ICE2: variants seen among roughly 807,000 people sequenced by gnomAD.
ICE2 encodes the protein little elongation complex subunit 2.
In ICE2, 87 loss-of-function variants were observed where a neutral mutation model predicts 105.4. The observed-to-expected ratio is 0.83, with a 90% confidence interval of 0.69 to 0.99. The LOEUF (loss-of-function observed/expected upper bound fraction) is 0.99, where lower values mean the gene tolerates loss of function less well. ICE2 is among the 50% of genes least tolerant of loss of function. ICE2 has a pLI of 0.00. For missense variants in ICE2, 1,323 were observed against 1,146.7 expected (o/e 1.15, Z -2.22); for synonymous variants, 399 against 392.0 (o/e 1.02, Z -0.21).
rs371047923 is a variant in ICE2 at position 60,448,156 on chromosome 15, A to G, written c.2120-11T>C. 1.4e-5 allele frequency: 22 copies of G among 1,564,136 alleles called. No individual in the cohort carries two copies. In the African/African-American group the frequency reaches 2.7e-4, roughly 19 times the overall value. On this transcript the variant is annotated splice_polypyrimidine_tract_variant and intron_variant, in intron 10 of 15. Transcript: ENST00000261520. ...GTTCATATGGCAATCCTTTAAAAAT[A>G]GTATTTCTCATTTTTAAAATACATT...
intron 12 of ICE2, chr15:60,439,128 AC>A (rs2063661711): frequency 6.6e-6 from 1 of 152,178 alleles, no homozygotes; most frequent in Non-Finnish European, 1.5e-5. Flanking sequence ...ACAGGCTGAA[AC>A]CCTACAATTG....
At chr15:60,455,507 C>G (rs1181776911) in intron 6 of ICE2, 65 bp from the exon 7 acceptor site, 29 of 1,012,340 alleles carry the variant, frequency 2.9e-5, no homozygotes, top group Non-Finnish European at 3.4e-5. Flanking sequence ...AGAAAAGTAT[C>G]TTTCATCATA....
At position 60,423,462 on chromosome 15, in the gene ICE2, C is replaced by A; in HGVS notation, c.*172G>T. ...CAAACTTCAAGGGTGAAAAGCATAC[C>A]ATTCCATTTTAGTTGAAATATTCCT... is the stretch of plus-strand genomic sequence containing the variant. On this transcript the variant is annotated 3_prime_UTR_variant, in exon 16 of 16. Transcript: ENST00000261520. The A allele has an allele frequency of 2.0e-6, 1 of 492,076 alleles. No individual in the cohort carries two copies. The highest frequency in any genetic ancestry group is 3.5e-6 in the Non-Finnish European group (1 of 283,632). 30.5% of individuals were successfully genotyped at this position (492,076 alleles called of 1,614,324 possible). A position where few individuals can be genotyped will look rare whatever the true frequency, so the allele number is the denominator to read the frequency against.
intron 12 of ICE2, among the ~76,000 whole-genome samples, chr15:60,436,797 G>A (rs1249776151): frequency 2.0e-5 from 3 of 148,714 alleles, no homozygotes; most frequent in African/African-American, 7.4e-5. Flanking sequence ...TGATATTTAT[G>A]TATTATCATA....
intron 1 of ICE2, 126 bp downstream of exon 1, chr15:60,478,877 A>AGGAGCCGCGCAGG (rs2064849685): frequency 4.6e-6 from 2 of 439,316 alleles, no homozygotes; most frequent in Admixed American, 4.8e-5. Context: ...AGCCGCGCAG[A>AGGAGCCGCGCAGG]GCCAGGAGCA....
In ICE2 at chr15:60,428,594, T is replaced by G; in HGVS notation, c.2655A>C (p.Ala885=). ...CGCAATGTGTTTTATACAAATTGTA[T>G]GCTGTCCTAGTAACTTTTCCATCAG... is the stretch of plus-strand genomic sequence containing the variant. The part of the protein sequence containing the change: ...KASDGKVTRT[A]YNLYKTHCGL... Residue 885 remains alanine (A), a synonymous_variant, in exon 15 of 16, where the codon GCA becomes GCC. Coordinates refer to ENST00000261520, the MANE Select transcript of ICE2 (RefSeq NM_024611.6). 1 of 1,614,164 alleles carries G rather than the reference T, an allele frequency of 6.2e-7. No individual in the cohort carries two copies. The highest frequency in any genetic ancestry group is 8.5e-7 in the Non-Finnish European group (1 of 1,180,016).
At chr15:60,449,922 A>G in intron 9 of ICE2, 81 bp from the exon 10 acceptor site, 1 of 963,526 alleles carries the variant, frequency 1.0e-6, no homozygotes. Context: ...TCCCTGTCAT[A>G]CATACTTCCT....
chr15:60,426,631 G>C (rs1053545297), intron 15 of ICE2, among the ~76,000 whole-genome samples: 1 of 152,150 alleles, frequency 6.6e-6, no homozygotes, highest in Admixed American at 6.5e-5. Flanking sequence ...CACTATTTTA[G>C]TGTCAGTCTA....
intron 13 of ICE2, among the ~76,000 whole-genome samples, chr15:60,432,887 G>A (rs927434045): frequency 2.0e-5 from 3 of 151,884 alleles, no homozygotes; most frequent in African/African-American, 4.8e-5. Flanking sequence ...CCAAGAATCC[G>A]CCTCAAAAAA....
intron 5 of ICE2, among the ~76,000 whole-genome samples, chr15:60,461,911 G>A (rs1160091181): frequency 1.3e-5 from 2 of 152,168 alleles, no homozygotes; most frequent in Non-Finnish European, 2.9e-5. Context: ...TGACTGAAAA[G>A]CCAGTAGGAA....
At chr15:60,431,006 G>T (rs1165920432) in intron 14 of ICE2, among the ~76,000 whole-genome samples, 1 of 151,914 alleles carries the variant, frequency 6.6e-6, no homozygotes, top group African/African-American at 2.4e-5. Flanking sequence ...TGAGTAGGTG[G>T]GATTACAGGT....
intron 3 of ICE2, among the ~76,000 whole-genome samples, chr15:60,474,937 A>C (rs962951845): frequency 1.1e-4 from 17 of 152,326 alleles, no homozygotes; most frequent in African/African-American, 3.8e-4. Flanking sequence ...CCGGGGCAAC[A>C]CAGCAAGACC....
At chr15:60,455,563 C>G in intron 6 of ICE2, 121 bp from the exon 7 acceptor site, 1 of 654,364 alleles carries the variant, frequency 1.5e-6, no homozygotes, top group Non-Finnish European at 2.6e-6. Context: ...ATGTAAACAT[C>G]AGATTTAGAA....
At chr15:60,478,125 T>C (rs1363573580) in intron 1 of ICE2, 56 bp from the exon 2 acceptor site, 3 of 700,276 alleles carry the variant, frequency 4.3e-6, no homozygotes, top group Non-Finnish European at 7.6e-6. Flanking sequence ...GGCCAGGTGC[T>C]ATTAGGTGAG....
intron 14 of ICE2, among the ~76,000 whole-genome samples, chr15:60,430,767 A>G (rs1435607198): frequency 6.6e-6 from 1 of 152,250 alleles, no homozygotes; most frequent in Non-Finnish European, 1.5e-5. Flanking sequence ...GTAAGGGCAT[A>G]AGAGAAGGAA....
intron 6 of ICE2, among the ~76,000 whole-genome samples, chr15:60,455,693 C>T (rs2064089100): frequency 6.6e-6 from 1 of 151,842 alleles, no homozygotes; most frequent in Non-Finnish European, 1.5e-5. Flanking sequence ...TCTCAGATCA[C>T]TGCAACCTCT....
chr15:60,474,088 G>A (rs1164484936), intron 3 of ICE2, among the ~76,000 whole-genome samples: 2 of 151,906 alleles, frequency 1.3e-5, no homozygotes, highest in Non-Finnish European at 2.9e-5. Context: ...TTGGAGAGAC[G>A]GGGTCTCAAT....
chr15:60,477,657 A>G (rs1014388908), intron 2 of ICE2, among the ~76,000 whole-genome samples: 1 of 152,228 alleles, frequency 6.6e-6, no homozygotes, highest in African/African-American at 2.4e-5. Context: ...AAATTCCAGT[A>G]TCTCTCCTTC....
In ICE2 at chr15:60,478,891, G is replaced by T. The variant is rs182787432; in HGVS notation, c.-93+112C>A. 2,347 of 448,474 alleles carry T rather than the reference G, an allele frequency of 5.2e-3. 8 individuals are homozygous for T. The highest frequency in any genetic ancestry group is 8.4e-3 in the Non-Finnish European group (1,873 of 222,368). 27.8% of individuals were successfully genotyped at this position (448,474 alleles called of 1,614,324 possible). ...GAGCCGCGCAGAGCCAGGAGCAAAG[G>T]GTCCTGGCCCGGCCGCCATGTTCCC... On this transcript the variant is annotated intron_variant, in intron 1 of 15. Transcript: ENST00000261520.
Sources: gnomAD v4.1 joint callset for allele counts (sites outside exome capture counted in the v4.1 genomes callset) on GRCh38, gnomAD v4.1.1 for gene constraint, MANE v1.5 for transcripts, NCBI Gene and HGNC (gene_info 2026-07-23, HGNC 2026-07-21) for gene names.